Variants in CNTLN observed in about 807,000 individuals in gnomAD.
The protein encoded by CNTLN is centlein, also known as centlein, centrosomal protein.
Under a neutral mutation model 180.0 loss-of-function variants are expected in CNTLN, and 212 were observed. The ratio of observed to expected loss-of-function variants is 1.18; its 90% CI spans 1.05 to 1.32. The LOEUF (loss-of-function observed/expected upper bound fraction) is 1.32, where lower values mean the gene tolerates loss of function less well. Ranked by LOEUF, CNTLN falls within the 40% of genes most tolerant of loss-of-function variation. The pLI is 0.00. For missense variants in CNTLN, 2,095 were observed against 1,610.9 expected (o/e 1.30, Z -5.14); for synonymous variants, 722 against 563.1 (o/e 1.28, Z -3.99).
chr9:17,305,590 G>T (rs1472218775), intron 7 of CNTLN, among the ~76,000 whole-genome samples: 1 of 151,706 alleles, frequency 6.6e-6, no homozygotes, highest in Non-Finnish European at 1.5e-5. Context: ...CAGGGCACTG[G>T]AACATCCTAA....
At position 17,502,590 on chromosome 9, in the gene CNTLN, AAAAT is replaced by A. The variant is rs773397589; in HGVS notation, c.4164_4167del (p.Ile1388MetfsTer6). On this transcript the variant is annotated frameshift_variant, in exon 26 of 26. Transcript: ENST00000380647. LOFTEE classifies it high-confidence loss of function. ...ATATTTACTAGAAGCAGTACTGGAA[AAAAT>A]AAATGAAAAAAAGAAACTAGTTGAA... 3 of 1,415,174 alleles carry A rather than the reference AAAAT, an allele frequency of 2.1e-6. No individual in the cohort carries two copies. In the East Asian group the frequency reaches 7.1e-5, roughly 34 times the overall value. 87.7% of individuals were successfully genotyped at this position (1,415,174 alleles called of 1,614,324 possible).
intron 12 of CNTLN, among the ~76,000 whole-genome samples, chr9:17,362,808 A>AT (rs1003935004): frequency 6.6e-6 from 1 of 152,062 alleles, no homozygotes; most frequent in African/African-American, 2.4e-5. Context: ...TTACATAGGT[A>AT]TACACGTGCC....
At chr9:17,416,309 C>T in intron 18 of CNTLN, 120 bp downstream of exon 18, 1 of 779,446 alleles carries the variant, frequency 1.3e-6, no homozygotes, top group Non-Finnish European at 1.9e-6. Flanking sequence ...TAAAAAATCC[C>T]AGGCACTGTT....
chr9:17,327,474 G>A (rs971748718), intron 8 of CNTLN, among the ~76,000 whole-genome samples: 1 of 145,908 alleles, frequency 6.9e-6, no homozygotes, highest in African/African-American at 2.5e-5. Flanking sequence ...ATGAGCCACC[G>A]CACCCAGCTG....
chr9:17,498,534 C>G (rs1333674785), intron 25 of CNTLN, among the ~76,000 whole-genome samples: 1 of 152,092 alleles, frequency 6.6e-6, no homozygotes, highest in Non-Finnish European at 1.5e-5. Context: ...GGAAGATCTG[C>G]CTTAAGACTA....
At chr9:17,189,449 G>A (rs1821654711) in intron 2 of CNTLN, among the ~76,000 whole-genome samples, 1 of 150,240 alleles carries the variant, frequency 6.7e-6, no homozygotes, top group African/African-American at 2.4e-5. Flanking sequence ...CTAATCTAGG[G>A]TGAATTTAAT....
chr9:17,469,199 G>A (rs1482683771), intron 23 of CNTLN, among the ~76,000 whole-genome samples: 1 of 151,674 alleles, frequency 6.6e-6, no homozygotes, highest in East Asian at 1.9e-4. Flanking sequence ...TAAAGTTTTA[G>A]AAGCACTTCC....
chr9:17,379,544 A>G (rs1825056278), intron 13 of CNTLN, among the ~76,000 whole-genome samples: 1 of 152,138 alleles, frequency 6.6e-6, no homozygotes, highest in African/African-American at 2.4e-5. Flanking sequence ...GGGGTAATTA[A>G]AGAACTCACC....
At chr9:17,178,603 TC>T (rs1393899317) in intron 2 of CNTLN, among the ~76,000 whole-genome samples, 2 of 151,748 alleles carry the variant, frequency 1.3e-5, no homozygotes, top group Non-Finnish European at 2.9e-5. Flanking sequence ...CGGTGAGAAA[TC>T]GAGCACAGCA....
chr9:17,314,139 T>G (rs912305770), intron 8 of CNTLN, among the ~76,000 whole-genome samples: 1 of 152,256 alleles, frequency 6.6e-6, no homozygotes, highest in East Asian at 1.9e-4. Context: ...ATGCCCAACT[T>G]GCTCTTAAGT....
rs369583267 is a variant in CNTLN, at chr9:17,409,337, T to C, written c.2660T>C (p.Ile887Thr). 67 of 1,613,276 alleles carry C rather than the reference T, an allele frequency of 4.2e-5. No homozygotes were observed. The African/African-American group carries it at 6.9e-4, about 17-fold the overall frequency. ...ACCTCTCAAACTTTGGGAACAATTA[T>C]TGTAGAAACATCCCAGAAAATAAGT... ...AQTSQTLGTI[I>T]VETSQKISPT... is the part of the protein sequence containing the mutation. Residue 887 changes from isoleucine to threonine, a missense_variant, in exon 16 of 26, where the codon ATT (isoleucine) becomes ACT (threonine). Transcript: ENST00000380647.
Position 17,239,937 on chromosome 9 carries a change from A to G in CNTLN, c.849+3349A>G, listed in dbSNP as rs147842433. ...TATTTTTTCTTTTTCTAGATTAGTTATTCTGGGTCTGTTGTATTTTCATAT... is the reference window on the plus strand; with the variant it reads ...TATTTTTTCTTTTTCTAGATTAGTTGTTCTGGGTCTGTTGTATTTTCATAT... On this transcript the variant is annotated intron_variant, in intron 5 of 25. Coordinates refer to ENST00000380647, the MANE Select transcript of CNTLN (RefSeq NM_017738.4). Among the ~76,000 whole-genome samples the G allele has an allele frequency of 1.6e-3, 241 of 152,104 alleles. 1 individual carries two copies. Among genetic ancestry groups the G allele is most frequent in the African/African-American group, 5.6e-3 (232 of 41,514 alleles).
intron 2 of CNTLN, among the ~76,000 whole-genome samples, chr9:17,148,173 C>G (rs1818587003): frequency 6.6e-6 from 1 of 152,182 alleles, no homozygotes; most frequent in Admixed American, 6.5e-5. Context: ...CTATAAACCT[C>G]TATTCTCTCT....
chr9:17,183,483 G>GTT (rs934705333), intron 2 of CNTLN, among the ~76,000 whole-genome samples: 61 of 145,602 alleles, frequency 4.2e-4, no homozygotes, highest in Admixed American at 1.0e-3. Flanking sequence ...TTTTCTATTT[G>GTT]TTTTTTTTTT....
intron 8 of CNTLN, among the ~76,000 whole-genome samples, chr9:17,321,129 T>C (rs902332678): frequency 6.6e-6 from 1 of 152,254 alleles, no homozygotes; most frequent in African/African-American, 2.4e-5. Context: ...TGTCAGCTTG[T>C]ATTTTTATCT....
chr9:17,168,804 A>G (rs971751417), intron 2 of CNTLN, among the ~76,000 whole-genome samples: 14 of 152,116 alleles, frequency 9.2e-5, no homozygotes, highest in Admixed American at 2.0e-4. Context: ...GCTCTATTGA[A>G]TAAGGATTAT....
intron 5 of CNTLN, among the ~76,000 whole-genome samples, chr9:17,255,412 T>C (rs891895616): frequency 2.6e-5 from 4 of 151,704 alleles, no homozygotes; most frequent in African/African-American, 9.7e-5. Flanking sequence ...TGTTCAATCT[T>C]GTCAAATGTT....
intron 15 of CNTLN, among the ~76,000 whole-genome samples, chr9:17,396,473 T>A (rs1330544746): frequency 6.6e-6 from 1 of 152,202 alleles, no homozygotes; most frequent in African/African-American, 2.4e-5. Flanking sequence ...ATTTTAAAAA[T>A]TCTGCCTTGT....
In CNTLN at chr9:17,139,469, T is replaced by C. The variant is rs368902842; in HGVS notation, c.361-3819T>C. ...TGAGGTTGGGAGTTTGAGACCAGCCTGGCCAACATGGCGAAACCCAGTCTC... is the reference window on the plus strand; with the variant it reads ...TGAGGTTGGGAGTTTGAGACCAGCCCGGCCAACATGGCGAAACCCAGTCTC... On this transcript the variant is annotated intron_variant, in intron 1 of 25. Transcript: ENST00000380647. Among the ~76,000 whole-genome samples, 22 of 151,968 alleles carry C rather than the reference T, an allele frequency of 1.4e-4. No homozygotes were observed. In the East Asian group the frequency reaches 3.4e-3, roughly 23 times the overall value.
Sources: gnomAD v4.1 joint callset for allele counts (sites outside exome capture counted in the v4.1 genomes callset) on GRCh38, gnomAD v4.1.1 for gene constraint, MANE v1.5 for transcripts, NCBI Gene and HGNC (gene_info 2026-07-23, HGNC 2026-07-21) for gene names.